SH3GLB1: variants seen among roughly 807,000 people sequenced by gnomAD.
SH3GLB1 encodes the protein SH3 domain containing GRB2 like, endophilin B1, also known as endophilin-B1.
A neutral mutation model predicts 42.0 loss-of-function variants in SH3GLB1; 17 were observed. That is an observed-to-expected ratio of 0.40 (90% CI 0.28 to 0.61). SH3GLB1 has a LOEUF of 0.61. Among genes scored for constraint, SH3GLB1 ranks in the 20% least tolerant of loss-of-function variants. SH3GLB1 has a pLI of 0.36. For synonymous variants in SH3GLB1, 132 were observed against 146.6 expected, an observed-to-expected ratio of 0.90 and a Z score of 0.72; for missense variants, 355 against 426.3, an observed-to-expected ratio of 0.83 and a Z score of 1.47.
intron 5 of SH3GLB1, among the ~76,000 whole-genome samples, chr1:86,730,636 A>G (rs1655457774): frequency 6.6e-6 from 1 of 151,988 alleles, no homozygotes; most frequent in Non-Finnish European, 1.5e-5. Context: ...AGTAGCTGGG[A>G]TTACAGGTGC....
intron 2 of SH3GLB1, among the ~76,000 whole-genome samples, chr1:86,716,441 A>AT (rs779127787): frequency 7.3e-5 from 11 of 151,304 alleles, no homozygotes; most frequent in South Asian, 2.1e-4. Flanking sequence ...CGCCCAGCTA[A>AT]TTTTTTTTTG....
chr1:86,710,229 A>G (rs1366560418), intron 1 of SH3GLB1, among the ~76,000 whole-genome samples: 4 of 152,158 alleles, frequency 2.6e-5, no homozygotes, highest in African/African-American at 9.7e-5. Context: ...TAGAAAATCT[A>G]TAAAACTCTT....
intron 1 of SH3GLB1, among the ~76,000 whole-genome samples, chr1:86,712,083 ATAT>A (rs894778321): frequency 7.2e-5 from 11 of 152,142 alleles, no homozygotes; most frequent in Non-Finnish European, 1.2e-4. Flanking sequence ...AATTTGGGAA[ATAT>A]TATGTCTTTT....
intron 1 of SH3GLB1, among the ~76,000 whole-genome samples, chr1:86,711,568 A>T (rs895399544): frequency 4.6e-5 from 7 of 152,134 alleles, no homozygotes; most frequent in Admixed American, 3.3e-4. Flanking sequence ...CTTAATTATT[A>T]AACTATACTG....
In SH3GLB1 at chr1:86,746,171, T is replaced by C. The variant is rs546867230; in HGVS notation, c.*2936T>C. Reference sequence around the variant, plus strand: ...GAGTCATCTTCATAGTCTCCTGTTATCCTCCCCCTGAACAAAGAACAAAGT... The same window carrying C: ...GAGTCATCTTCATAGTCTCCTGTTACCCTCCCCCTGAACAAAGAACAAAGT... On this transcript the variant is annotated 3_prime_UTR_variant, in exon 9 of 9. Coordinates refer to ENST00000370558, the MANE Select transcript of SH3GLB1 (RefSeq NM_016009.5). 1 of 152,676 alleles carries C rather than the reference T, an allele frequency of 6.5e-6. No individual in the cohort carries two copies. The highest frequency in any genetic ancestry group is 2.1e-4 in the South Asian group (1 of 4,812). The allele number at this position is 152,676 out of a possible 1,614,324, so 9.5% of individuals were successfully genotyped here. A position where few individuals can be genotyped will look rare whatever the true frequency, so the allele number is the denominator to read the frequency against.
chr1:86,720,050 T>C (rs556350807), intron 3 of SH3GLB1, among the ~76,000 whole-genome samples: 1 of 151,276 alleles, frequency 6.6e-6, no homozygotes, highest in Non-Finnish European at 1.5e-5. Flanking sequence ...ACTTCAAATT[T>C]ATGTTAAAAA....
At position 86,746,062 on chromosome 1, in the gene SH3GLB1, A is replaced by G. The variant is rs941986650; in HGVS notation, c.*2827A>G. ...ATCAGAAAAATTGATGTTGCAAGAA[A>G]TGAGGTCTCAAAAATGGGAATGTGC... On this transcript the variant is annotated 3_prime_UTR_variant, in exon 9 of 9. Coordinates refer to ENST00000370558, the MANE Select transcript of SH3GLB1 (RefSeq NM_016009.5). 60 of 152,630 alleles carry G rather than the reference A, an allele frequency of 3.9e-4. No individual in the cohort carries two copies. The highest frequency in any genetic ancestry group is 1.4e-3 in the African/African-American group (59 of 41,456). 9.5% of individuals were successfully genotyped at this position (152,630 alleles called of 1,614,324 possible).
At position 86,747,768 on chromosome 1, in the gene SH3GLB1, C is replaced by T. The variant is rs577251032; in HGVS notation, c.*4533C>T. 6.6e-6 allele frequency: 1 copy of T among 152,346 alleles called. No individual in the cohort carries two copies. The highest frequency in any genetic ancestry group is 6.5e-5 in the Admixed American group (1 of 15,302). The allele number at this position is 152,346 out of a possible 1,614,324, so 9.4% of individuals were successfully genotyped here. A position where few individuals can be genotyped will look rare whatever the true frequency, so the allele number is the denominator to read the frequency against. On this transcript the variant is annotated 3_prime_UTR_variant, in exon 9 of 9. Coordinates refer to ENST00000370558, the MANE Select transcript of SH3GLB1 (RefSeq NM_016009.5). ...AGTATCAGAAACCATGTGTACATCC[C>T]TGTGCCTCTTAGATTGCTAAGTTCT...
chr1:86,735,940 A>C (rs1021462882), intron 7 of SH3GLB1, among the ~76,000 whole-genome samples: 3 of 152,232 alleles, frequency 2.0e-5, no homozygotes, highest in Non-Finnish European at 2.9e-5. Flanking sequence ...GAAGGCATCT[A>C]ACTGTGACTG....
intron 4 of SH3GLB1, among the ~76,000 whole-genome samples, chr1:86,723,585 C>CT (rs751843902): frequency 2.6e-5 from 4 of 152,026 alleles, no homozygotes; most frequent in Non-Finnish European, 5.9e-5. Flanking sequence ...CATATGGAAT[C>CT]TAAGATTAAA....
chr1:86,704,763 G>A lies in SH3GLB1; in HGVS notation c.-137G>A. On this transcript the variant is annotated 5_prime_UTR_variant, in exon 1 of 9. Coordinates refer to ENST00000370558, the MANE Select transcript of SH3GLB1 (RefSeq NM_016009.5). ...CTCCCCGTTCACGGAAACGACAGCT[G>A]CGGCTGCGGGGCTGGCGCCGCCTCC... is the stretch of plus-strand genomic sequence containing the variant. 2.0e-6 allele frequency: 1 copy of A among 508,880 alleles called. No homozygotes were observed. The highest frequency in any genetic ancestry group is 3.4e-6 in the Non-Finnish European group (1 of 291,756). 31.5% of individuals were successfully genotyped at this position (508,880 alleles called of 1,614,324 possible).
intron 2 of SH3GLB1, among the ~76,000 whole-genome samples, chr1:86,716,574 C>T (rs536357229): frequency 7.2e-5 from 11 of 152,320 alleles, no homozygotes; most frequent in South Asian, 6.2e-4. Context: ...TAAGCCACTG[C>T]GCCCCGCCTA....
intron 4 of SH3GLB1, 93 bp from the exon 5 acceptor site, chr1:86,724,220 A>T: frequency 1.2e-6 from 1 of 835,700 alleles, no homozygotes; most frequent in Non-Finnish European, 1.8e-6. Context: ...CAAGTGATAC[A>T]TATGTTTACT....
At chr1:86,725,694 T>G (rs1391506209) in intron 5 of SH3GLB1, among the ~76,000 whole-genome samples, 2 of 152,180 alleles carry the variant, frequency 1.3e-5, no homozygotes, top group African/African-American at 4.8e-5. Flanking sequence ...CTTATAGTTC[T>G]CTTGTTTGGG....
At position 86,715,794 on chromosome 1, in the gene SH3GLB1, A is replaced by T. The variant is rs1416623991; in HGVS notation, c.143A>T (p.Lys48Ile). The T allele has an allele frequency of 6.2e-7, 1 of 1,612,658 alleles. No homozygotes were observed. The highest frequency in any genetic ancestry group is 8.5e-7 in the Non-Finnish European group (1 of 1,179,696). The change falls in exon 2 of 9, where the codon AAA becomes ATA. Residue 48 changes from lysine (K) to isoleucine (I), a missense_variant. Coordinates refer to ENST00000370558, the MANE Select transcript of SH3GLB1 (RefSeq NM_016009.5). ...LDAHLENLLS[K>I]AECTKIWTEK... Reference sequence around the variant, plus strand: ...GCTCACTTAGAGAACCTCCTTAGCAAAGCTGAATGTACCAAAATATGGACA... The same window carrying T: ...GCTCACTTAGAGAACCTCCTTAGCATAGCTGAATGTACCAAAATATGGACA...
In SH3GLB1 at chr1:86,704,657, A is replaced by C; in HGVS notation, c.-243A>C. ...GCCCGCGGGGCCCATCGTCGACGTT[A>C]GCGGCCGTTCTCCGAGCCGACTGAC... On this transcript the variant is annotated 5_prime_UTR_variant, in exon 1 of 9. Coordinates refer to ENST00000370558, the MANE Select transcript of SH3GLB1 (RefSeq NM_016009.5). 1 of 356,960 alleles carries C rather than the reference A, an allele frequency of 2.8e-6. No homozygotes were observed. 22.1% of individuals were successfully genotyped at this position (356,960 alleles called of 1,614,324 possible). A position where few individuals can be genotyped will look rare whatever the true frequency, so the allele number is the denominator to read the frequency against.
At chr1:86,706,222 T>C (rs1653857833) in intron 1 of SH3GLB1, among the ~76,000 whole-genome samples, 1 of 152,232 alleles carries the variant, frequency 6.6e-6, no homozygotes, top group Non-Finnish European at 1.5e-5. Context: ...CTGTCTGACC[T>C]AGTACTCCCA....
At chr1:86,736,291 G>A (rs139110621) in intron 7 of SH3GLB1, among the ~76,000 whole-genome samples, 2 of 152,250 alleles carry the variant, frequency 1.3e-5, no homozygotes, top group Admixed American at 6.5e-5. Context: ...TCAAAAAATC[G>A]TTTCAAGGAA....
rs983728087 is a variant in SH3GLB1 at position 86,736,919 on chromosome 1, C to T, written c.761+1740C>T. On this transcript the variant is annotated intron_variant, in intron 7 of 8. Transcript: ENST00000370558. ...CAAATCATCCAGCTTCACACTAACACATTCAAAAACTATTTATGAAGAAGA... is the reference window on the plus strand; with the variant it reads ...CAAATCATCCAGCTTCACACTAACATATTCAAAAACTATTTATGAAGAAGA... 1.3e-5 allele frequency among the ~76,000 whole-genome samples: 2 copies of T among 152,178 alleles called. 1 individual carries two copies. The highest frequency in any genetic ancestry group is 4.1e-4 in the South Asian group (2 of 4,832).
Sources: allele counts gnomAD v4.1 joint callset (sites outside exome capture counted in the v4.1 genomes callset), GRCh38; gene constraint gnomAD v4.1.1; transcripts MANE v1.5; gene names NCBI Gene and HGNC (gene_info 2026-07-23, HGNC 2026-07-21).